The following GATAD2B variants were observed in gnomAD, a reference collection of about 807,000 sequenced individuals.
GATAD2B encodes the protein transcriptional repressor p66-beta.
In GATAD2B, 8 loss-of-function variants were observed where a neutral mutation model predicts 64.3. The ratio of observed to expected loss-of-function variants is 0.12; its 90% CI spans 0.07 to 0.22. GATAD2B has a LOEUF of 0.22. Among genes scored for constraint, GATAD2B ranks in the 10% least tolerant of loss-of-function variants. The pLI is 1.00. For synonymous variants in GATAD2B, 281 were observed against 271.3 expected, an observed-to-expected ratio of 1.04 and a Z score of -0.35; for missense variants, 453 against 752.0, an observed-to-expected ratio of 0.60 and a Z score of 4.65.
intron 1 of GATAD2B, among the ~76,000 whole-genome samples, chr1:153,874,925 G>A (rs1676778582): frequency 6.6e-6 from 1 of 151,972 alleles, no homozygotes; most frequent in Non-Finnish European, 1.5e-5. Flanking sequence ...CCAGGCTGGA[G>A]CACAGTGGCT....
Position 153,816,201 on chromosome 1 carries a change from G to C in GATAD2B, c.1216+72C>G. The C allele has an allele frequency of 1.1e-6, 1 of 948,838 alleles. No homozygotes were observed. The highest frequency in any genetic ancestry group is 1.7e-6 in the Non-Finnish European group (1 of 590,690). 58.8% of individuals were successfully genotyped at this position (948,838 alleles called of 1,614,324 possible). The stretch of plus-strand genomic sequence containing the variant: ...TATTTAATATTGTACAGTACCCTCT[G>C]ATACTCTGCCTATGTCAATCAGGCT... On this transcript the variant is annotated intron_variant, in intron 7 of 10. Coordinates refer to ENST00000368655, the MANE Select transcript of GATAD2B (RefSeq NM_020699.4). The surrounding 1 kb of genome is among the most constrained non-coding windows in gnomAD (Gnocchi z 4.9).
At chr1:153,863,955 G>T (rs1676394308) in intron 1 of GATAD2B, among the ~76,000 whole-genome samples, 1 of 152,102 alleles carries the variant, frequency 6.6e-6, no homozygotes, top group Non-Finnish European at 1.5e-5. Context: ...ATGCAAAGTA[G>T]AACGGATGTA....
chr1:153,859,724 G>C (rs1676212957), intron 1 of GATAD2B, among the ~76,000 whole-genome samples: 1 of 151,090 alleles, frequency 6.6e-6, no homozygotes, highest in Non-Finnish European at 1.5e-5. Context: ...TATGAATAGA[G>C]TAATAATATG....
At chr1:153,842,420 T>C (rs1476125678) in intron 1 of GATAD2B, among the ~76,000 whole-genome samples, 1 of 152,206 alleles carries the variant, frequency 6.6e-6, no homozygotes, top group Non-Finnish European at 1.5e-5. Flanking sequence ...GACAAAACAT[T>C]AGATAAATCT....
At position 153,922,720 on chromosome 1, in the gene GATAD2B, CA is replaced by C. The variant is rs1215599913; in HGVS notation, c.-2+12del. On this transcript the variant is annotated intron_variant, in intron 1 of 10. Transcript: ENST00000368655. ...GGCGGGCGGCCAGGCTGGCCTAGGC[CA>C]AAGCTCCTCACCTGGCGGTGGCGGT... 6.5e-6 allele frequency: 1 copy of C among 152,686 alleles called. No homozygotes were observed. The highest frequency in any genetic ancestry group is 1.5e-5 in the Non-Finnish European group (1 of 68,434). The allele number at this position is 152,686 out of a possible 1,614,324, so 9.5% of individuals were successfully genotyped here.
intron 2 of GATAD2B, among the ~76,000 whole-genome samples, chr1:153,827,375 T>TC: frequency 6.6e-6 from 1 of 151,820 alleles, no homozygotes; most frequent in East Asian, 1.9e-4. Context: ...CAGGTACCTC[T>TC]CCTTACTGTG....
intron 1 of GATAD2B, among the ~76,000 whole-genome samples, chr1:153,853,988 A>G (rs1050051352): frequency 1.3e-5 from 2 of 152,108 alleles, no homozygotes; most frequent in Non-Finnish European, 1.5e-5. Flanking sequence ...AAACTAGTAG[A>G]TGGAATTTTC....
intron 1 of GATAD2B, among the ~76,000 whole-genome samples, chr1:153,921,163 C>G (rs1163517244): frequency 6.6e-6 from 1 of 152,180 alleles, no homozygotes; most frequent in East Asian, 1.9e-4. Flanking sequence ...AGGAAGAGTT[C>G]AGGTCAGCAT....
intron 1 of GATAD2B, among the ~76,000 whole-genome samples, chr1:153,893,991 A>T (rs147234379): frequency 0.03 from 4,497 of 149,398 alleles, 255 homozygotes; most frequent in African/African-American, 0.11. Flanking sequence ...AACCCAAAAA[A>T]TGTCCCCATA....
intron 1 of GATAD2B, among the ~76,000 whole-genome samples, chr1:153,872,117 A>C (rs1301549063): frequency 6.6e-6 from 1 of 151,940 alleles, no homozygotes; most frequent in Non-Finnish European, 1.5e-5. Context: ...CAAGAGTTCG[A>C]GACCAGCCTG....
chr1:153,847,974 A>G (rs1388235762), intron 1 of GATAD2B, among the ~76,000 whole-genome samples: 1 of 152,232 alleles, frequency 6.6e-6, no homozygotes, highest in Non-Finnish European at 1.5e-5. Flanking sequence ...AAAACAAACA[A>G]ACATACTGAT....
intron 1 of GATAD2B, among the ~76,000 whole-genome samples, chr1:153,911,293 G>A (rs1678101266): frequency 6.6e-6 from 1 of 152,072 alleles, no homozygotes. Context: ...AGAGCAAGAG[G>A]AGAGAATGAG....
intron 1 of GATAD2B, among the ~76,000 whole-genome samples, chr1:153,902,228 C>A (rs147632462): frequency 0.011 from 1,732 of 152,154 alleles, 16 homozygotes; most frequent in Non-Finnish European, 0.017. Flanking sequence ...TTGCGGTGAG[C>A]CAAGATTGCG....
chr1:153,895,487 G>A (rs1036923854), intron 1 of GATAD2B, among the ~76,000 whole-genome samples: 6 of 151,432 alleles, frequency 4.0e-5, no homozygotes, highest in African/African-American at 1.5e-4. Flanking sequence ...GGCTGATATG[G>A]GAGGATCACT....
At chr1:153,862,668 G>C (rs1186429076) in intron 1 of GATAD2B, among the ~76,000 whole-genome samples, 1 of 151,466 alleles carries the variant, frequency 6.6e-6, no homozygotes, top group African/African-American at 2.4e-5. Flanking sequence ...CAGAAATTGA[G>C]AGTATTTAGA....
rs144152654 is a variant in GATAD2B at position 153,822,786 on chromosome 1, C to T, written c.336-3051G>A. ...AGCTGGGATTACAGGCATGAGCCAC[C>T]GCGTCCAGCCTCTTTTCTTGTATTT... On this transcript the variant is annotated intron_variant, in intron 2 of 10. Transcript: ENST00000368655. Among the ~76,000 whole-genome samples the T allele has an allele frequency of 3.3e-5, 5 of 152,208 alleles. No homozygotes were observed. In the East Asian group the frequency reaches 5.8e-4, roughly 18 times the overall value.
intron 1 of GATAD2B, among the ~76,000 whole-genome samples, chr1:153,869,020 C>G (rs1452880183): frequency 6.6e-6 from 1 of 152,188 alleles, no homozygotes; most frequent in African/African-American, 2.4e-5. Context: ...TTGCTGGGCA[C>G]AGTGGCTCAC....
Position 153,807,531 on chromosome 1 carries a change from C to T in GATAD2B, c.*2646G>A, listed in dbSNP as rs1360576809. The T allele has an allele frequency of 6.6e-6, 1 of 152,198 alleles. No individual in the cohort carries two copies. Among genetic ancestry groups the T allele is most frequent in the Non-Finnish European group, 1.5e-5 (1 of 68,032 alleles). 9.4% of individuals were successfully genotyped at this position (152,198 alleles called of 1,614,324 possible). A position where few individuals can be genotyped will look rare whatever the true frequency, so the allele number is the denominator to read the frequency against. On this transcript the variant is annotated 3_prime_UTR_variant, in exon 11 of 11. Coordinates refer to ENST00000368655, the MANE Select transcript of GATAD2B (RefSeq NM_020699.4). Reference sequence around the variant, plus strand: ...ACCTCAGCGGTTGAACAAAGGGTCACCGAGCTATACTAGTCAAGAAGCAGC... The same window carrying T: ...ACCTCAGCGGTTGAACAAAGGGTCATCGAGCTATACTAGTCAAGAAGCAGC...
At chr1:153,918,564 C>T (rs1201278197) in intron 1 of GATAD2B, among the ~76,000 whole-genome samples, 1 of 152,172 alleles carries the variant, frequency 6.6e-6, no homozygotes, top group African/African-American at 2.4e-5. Context: ...ATTCCACCCT[C>T]CCTTGAAATG....
Sources: allele counts gnomAD v4.1 joint callset (sites outside exome capture counted in the v4.1 genomes callset), GRCh38; gene constraint gnomAD v4.1.1; non-coding constraint Gnocchi (gnomAD v3.1); transcripts MANE v1.5; gene names NCBI Gene and HGNC (gene_info 2026-07-23, HGNC 2026-07-21).